COLEC12: variants seen among roughly 807,000 people sequenced by gnomAD.
COLEC12 encodes collectin subfamily member 12.
Under a neutral mutation model 71.1 loss-of-function variants are expected in COLEC12, and 33 were observed. The ratio of observed to expected loss-of-function variants is 0.46; its 90% CI spans 0.35 to 0.62. The LOEUF is 0.62. COLEC12 is among the 20% of genes least tolerant of loss of function. The probability of loss-of-function intolerance (pLI) is 0.00; values close to 1 mark genes in which losing one functional copy is unlikely to be tolerated. For missense variants in COLEC12, 765 were observed against 916.1 expected (o/e 0.84, Z 2.13); for synonymous variants, 350 against 353.0 (o/e 0.99, Z 0.10).
intron 2 of COLEC12, among the ~76,000 whole-genome samples, chr18:458,575 G>A (rs552926241): frequency 3.3e-5 from 5 of 152,342 alleles, no homozygotes; most frequent in Middle Eastern, 3.4e-3. Flanking sequence ...TCTGTGAATC[G>A]GTGGCAGCTC....
In COLEC12 at chr18:347,272, T is replaced by A. The variant is rs1914406073; in HGVS notation, c.350A>T (p.Asp117Val). ...AATCTCACGAAGTTGCTGACGGAGA[T>A]CTAGAATGTCTGATCTGAAGGTGGA... ...ELSTFRSDIL[D>V]LRQQLREITE... The change falls in exon 5 of 10, where the codon GAT becomes GTT. Residue 117 changes from aspartate to valine, a missense_variant. Physicochemically the swap from Asp to Val is radical, Grantham distance 152. Transcript: ENST00000400256. The A allele has an allele frequency of 6.2e-7, 1 of 1,614,032 alleles. No homozygotes were observed. The highest frequency in any genetic ancestry group is 1.3e-5 in the African/African-American group (1 of 74,908).
rs374972477 is a variant in COLEC12 at position 442,826 on chromosome 18, C to T, written c.58+37881G>A. Among the ~76,000 whole-genome samples, 50 of 152,238 alleles carry T rather than the reference C, an allele frequency of 3.3e-4. 1 individual carries two copies. Among genetic ancestry groups the T allele is most frequent in the East Asian group, 1.9e-4 (1 of 5,174 alleles). ...AACACAAAAAATTGGTCGGGCGTGG[C>T]GGCACGCGCCTGTAGTCCCAGCTAC... is the stretch of plus-strand genomic sequence containing the variant. On this transcript the variant is annotated intron_variant, in intron 2 of 9. Coordinates refer to ENST00000400256, the MANE Select transcript of COLEC12 (RefSeq NM_130386.3).
At chr18:350,936 G>A (rs1354057927) in intron 3 of COLEC12, among the ~76,000 whole-genome samples, 2 of 149,234 alleles carry the variant, frequency 1.3e-5, no homozygotes, top group South Asian at 4.3e-4. Context: ...CTCCAGCCTG[G>A]GCAACAGAGC....
At chr18:355,611 A>G (rs1914614666) in intron 3 of COLEC12, among the ~76,000 whole-genome samples, 1 of 152,230 alleles carries the variant, frequency 6.6e-6, no homozygotes, top group Non-Finnish European at 1.5e-5. Flanking sequence ...AACATGTTAT[A>G]TATTTGCCAA....
At chr18:350,034 G>T (rs1914474649) in intron 3 of COLEC12, among the ~76,000 whole-genome samples, 1 of 152,192 alleles carries the variant, frequency 6.6e-6, no homozygotes, top group African/African-American at 2.4e-5. Context: ...TTGTGGGACT[G>T]TTGGGAAGGC....
At chr18:463,177 C>T (rs2621175) in intron 2 of COLEC12, among the ~76,000 whole-genome samples, 119,192 of 152,176 alleles carry the variant, frequency 0.78, 46,931 homozygotes, top group East Asian at 0.99. Context: ...CAGCATCAGC[C>T]CCTCTAGAAA....
At position 457,265 on chromosome 18, in the gene COLEC12, G is replaced by A. The variant is rs115827224; in HGVS notation, c.58+23442C>T. Among the ~76,000 whole-genome samples, 681 of 152,248 alleles carry A rather than the reference G, an allele frequency of 4.5e-3. 6 individuals are homozygous for A. Among genetic ancestry groups the A allele is most frequent in the African/African-American group, 0.015 (642 of 41,548 alleles). On this transcript the variant is annotated intron_variant, in intron 2 of 9. Coordinates refer to ENST00000400256, the MANE Select transcript of COLEC12 (RefSeq NM_130386.3). ...GGAGCCCCCTAAGCCAACAGTCCTC[G>A]GCCTGCTGACACAGCTGCACAGAGT...
intron 7 of COLEC12, 54 bp downstream of exon 7, chr18:332,953 T>G (rs752094410): frequency 3.0e-4 from 447 of 1,466,936 alleles, no homozygotes; most frequent in Non-Finnish European, 3.9e-4. Context: ...AATTTCCAGA[T>G]GTAAACTATC....
chr18:489,735 T>G (rs1449780231), intron 1 of COLEC12, among the ~76,000 whole-genome samples: 2 of 152,026 alleles, frequency 1.3e-5, no homozygotes, highest in Admixed American at 6.6e-5. Flanking sequence ...ATATCAACAC[T>G]GAATGTGGAT....
chr18:422,648 T>C (rs1916120793), intron 2 of COLEC12, among the ~76,000 whole-genome samples: 1 of 151,660 alleles, frequency 6.6e-6, no homozygotes, highest in Non-Finnish European at 1.5e-5. Flanking sequence ...ATTTTATAAA[T>C]ATATTTTATA....
chr18:393,421 T>A lies in COLEC12; in HGVS notation c.59-35899A>T, dbSNP rs60967731. On this transcript the variant is annotated intron_variant, in intron 2 of 9. Coordinates refer to ENST00000400256, the MANE Select transcript of COLEC12 (RefSeq NM_130386.3). ...AGGGAGCTCGGAGGCACAGCAAATTTCATATTTCCCTTTTTTCTTTGGTAT... is the reference window on the plus strand; with the variant it reads ...AGGGAGCTCGGAGGCACAGCAAATTACATATTTCCCTTTTTTCTTTGGTAT... Among the ~76,000 whole-genome samples the A allele has an allele frequency of 4.2e-4, 42 of 100,766 alleles. 1 individual carries two copies. In the East Asian group the frequency reaches 9.3e-3, roughly 22 times the overall value. The allele number at this position is 100,766 out of a possible 152,430, so 66.1% of individuals were successfully genotyped here.
At chr18:471,309 C>A (rs1917190828) in intron 2 of COLEC12, among the ~76,000 whole-genome samples, 1 of 151,670 alleles carries the variant, frequency 6.6e-6, no homozygotes, top group African/African-American at 2.4e-5. Flanking sequence ...GCTGTATTCA[C>A]TAAGATTTGG....
At chr18:363,200 T>G (rs1265861241) in intron 2 of COLEC12, among the ~76,000 whole-genome samples, 1 of 152,124 alleles carries the variant, frequency 6.6e-6, no homozygotes. Flanking sequence ...TGGTCCAGTC[T>G]CAATCCAGTC....
chr18:478,128 T>A (rs966912904), intron 2 of COLEC12, among the ~76,000 whole-genome samples: 2 of 151,984 alleles, frequency 1.3e-5, no homozygotes, highest in Middle Eastern at 3.2e-3. Flanking sequence ...AGCTGCAGGG[T>A]CCCCCTCCAC....
intron 5 of COLEC12, among the ~76,000 whole-genome samples, chr18:336,337 T>C (rs1185947595): frequency 6.6e-6 from 1 of 152,134 alleles, no homozygotes. Flanking sequence ...CTGGGTGGGT[T>C]TGTAAGTCTA....
At chr18:338,707 C>T (rs1234665807) in intron 5 of COLEC12, among the ~76,000 whole-genome samples, 2 of 152,124 alleles carry the variant, frequency 1.3e-5, no homozygotes, top group African/African-American at 2.4e-5. Flanking sequence ...GAAATAGCAT[C>T]CCAGAGATGA....
chr18:358,560 C>T (rs1377566057), intron 2 of COLEC12, among the ~76,000 whole-genome samples: 1 of 152,154 alleles, frequency 6.6e-6, no homozygotes, highest in Non-Finnish European at 1.5e-5. Flanking sequence ...GAATCTAATG[C>T]TGCCACTGAT....
intron 1 of COLEC12, among the ~76,000 whole-genome samples, chr18:482,117 A>G (rs1323424347): frequency 1.4e-5 from 2 of 142,206 alleles, no homozygotes; most frequent in Admixed American, 1.4e-4. Context: ...CAGGAGGAAC[A>G]CTTTTTTTTT....
At position 325,627 on chromosome 18, in the gene COLEC12, C is replaced by CTTTTTTTTTTTTTTTTT. The variant is rs760407917; in HGVS notation, c.2064-3837_2064-3821dup. 1.2e-4 allele frequency among the ~76,000 whole-genome samples: 6 copies of CTTTTTTTTTTTTTTTTT among 51,842 alleles called. 1 individual carries two copies. Among genetic ancestry groups the CTTTTTTTTTTTTTTTTT allele is most frequent in the African/African-American group, 4.3e-4 (5 of 11,702 alleles). 34.0% of individuals were successfully genotyped at this position (51,842 alleles called of 152,430 possible). A position where few individuals can be genotyped will look rare whatever the true frequency, so the allele number is the denominator to read the frequency against. On this transcript the variant is annotated intron_variant, in intron 8 of 9. Coordinates refer to ENST00000400256, the MANE Select transcript of COLEC12 (RefSeq NM_130386.3). ...TTACACCAAGAGTAAAAGGATCAGC[C>CTTTTTTTTTTTTTTTTT]TTTTTTTTTTTTTTTTTTTTTTTTT... is the stretch of plus-strand genomic sequence containing the variant.
Sources: allele counts gnomAD v4.1 joint callset (sites outside exome capture counted in the v4.1 genomes callset), GRCh38; gene constraint gnomAD v4.1.1; transcripts MANE v1.5; gene names NCBI Gene and HGNC (gene_info 2026-07-23, HGNC 2026-07-21).